The following SSBP2 variants were observed in gnomAD, a reference collection of about 807,000 sequenced individuals.
SSBP2 encodes the protein single-stranded DNA-binding protein 2.
SSBP2 carries 17 observed loss-of-function variants against 61.8 expected under a neutral mutation model. The ratio of observed to expected loss-of-function variants is 0.28; its 90% confidence interval spans 0.19 to 0.41. The LOEUF is 0.41. Among genes scored for constraint, SSBP2 ranks in the 10% least tolerant of loss-of-function variants. SSBP2 has a pLI of 1.00. For missense variants in SSBP2, 310 were observed against 458.7 expected, an observed-to-expected ratio of 0.68 and a Z score of 2.96; for synonymous variants, 139 against 141.3, an observed-to-expected ratio of 0.98 and a Z score of 0.12.
intron 4 of SSBP2, among the ~76,000 whole-genome samples, chr5:81,583,318 CTCT>C (rs1395846776): frequency 6.6e-6 from 1 of 151,970 alleles, no homozygotes; most frequent in African/African-American, 2.4e-5. Context: ...ACATGTATGC[CTCT>C]TCTTCATTTT....
At chr5:81,509,257 A>T (rs1768413047) in intron 5 of SSBP2, among the ~76,000 whole-genome samples, 1 of 152,178 alleles carries the variant, frequency 6.6e-6, no homozygotes, top group African/African-American at 2.4e-5. Context: ...CCTTGTACTG[A>T]ACTAATAATC....
intron 4 of SSBP2, among the ~76,000 whole-genome samples, chr5:81,608,310 T>G (rs780120273): frequency 6.6e-6 from 1 of 152,150 alleles, no homozygotes; most frequent in Non-Finnish European, 1.5e-5. Context: ...TCCATTTTAT[T>G]TGTCACCATT....
At chr5:81,741,416 G>A (rs1236059902) in intron 1 of SSBP2, among the ~76,000 whole-genome samples, 1 of 152,128 alleles carries the variant, frequency 6.6e-6, no homozygotes, top group African/African-American at 2.4e-5. Flanking sequence ...AACGGTGATG[G>A]CTATACCATA....
chr5:81,504,506 A>G (rs561068347), intron 5 of SSBP2, among the ~76,000 whole-genome samples: 2 of 152,242 alleles, frequency 1.3e-5, no homozygotes, highest in Non-Finnish European at 2.9e-5. Flanking sequence ...AGGCCTTTGC[A>G]CTTGTTTGTC....
At chr5:81,714,995 T>C (rs927517409) in intron 1 of SSBP2, among the ~76,000 whole-genome samples, 7 of 151,742 alleles carry the variant, frequency 4.6e-5, no homozygotes, top group African/African-American at 1.7e-4. Context: ...GGTTGGAAGA[T>C]AAAACTGAGG....
At chr5:81,719,400 G>A (rs1581414763) in intron 1 of SSBP2, among the ~76,000 whole-genome samples, 1 of 152,324 alleles carries the variant, frequency 6.6e-6, no homozygotes, top group East Asian at 1.9e-4. Flanking sequence ...CAAAAGAGAT[G>A]TCCTGTATGG....
intron 4 of SSBP2, among the ~76,000 whole-genome samples, chr5:81,574,264 T>TAAA (rs1774044714): frequency 1.3e-5 from 2 of 151,816 alleles, no homozygotes; most frequent in Non-Finnish European, 2.9e-5. Flanking sequence ...ATTTTAGGAC[T>TAAA]AAAAAACACA....
rs1554059158 is a variant in SSBP2, at chr5:81,415,922, A to AAAAAGAAAAG, written c.*4581_*4582insCTTTTCTTTT. 12 of 73,752 alleles carry AAAAAGAAAAG rather than the reference A, an allele frequency of 1.6e-4. 2 individuals carry two copies. The highest frequency in any genetic ancestry group is 1.3e-3 in the African/African-American group (9 of 6,788). 4.6% of individuals were successfully genotyped at this position (73,752 alleles called of 1,614,324 possible). A position where few individuals can be genotyped will look rare whatever the true frequency, so the allele number is the denominator to read the frequency against. ...GCAAGATTCTGACTCAAAAAAAAAA[A>AAAAAGAAAAG]AAAAAAAGAGGAAAACCTGATCAAG... is the stretch of plus-strand genomic sequence containing the variant. On this transcript the variant is annotated 3_prime_UTR_variant, in exon 17 of 17. Transcript: ENST00000320672.
At chr5:81,588,622 G>A (rs1775257753) in intron 4 of SSBP2, among the ~76,000 whole-genome samples, 1 of 151,960 alleles carries the variant, frequency 6.6e-6, no homozygotes, top group African/African-American at 2.4e-5. Context: ...TGATAAAAGA[G>A]CTAGATGAAT....
rs149972884 is a variant in SSBP2, at chr5:81,489,942, C to G, written c.373-633G>C. On this transcript the variant is annotated intron_variant, in intron 5 of 16. Coordinates refer to ENST00000320672, the MANE Select transcript of SSBP2 (RefSeq NM_012446.5). Reference sequence around the variant, plus strand: ...CTGAGGCCAAAGGACTGCTTGAGCTCAACAGTTAGAGGCTGTGGTGCATCA... The same window carrying G: ...CTGAGGCCAAAGGACTGCTTGAGCTGAACAGTTAGAGGCTGTGGTGCATCA... Among the ~76,000 whole-genome samples the G allele has an allele frequency of 3.7e-4, 56 of 151,374 alleles. No homozygotes were observed. In the East Asian group the frequency reaches 9.9e-3, roughly 27 times the overall value.
intron 1 of SSBP2, among the ~76,000 whole-genome samples, chr5:81,652,211 T>C (rs1286825162): frequency 2.0e-5 from 3 of 152,174 alleles, no homozygotes; most frequent in Non-Finnish European, 4.4e-5. Context: ...GGTACATCTG[T>C]GGCTGTGTCC....
chr5:81,707,041 A>G (rs1754445953), intron 1 of SSBP2, among the ~76,000 whole-genome samples: 1 of 152,224 alleles, frequency 6.6e-6, no homozygotes, highest in Non-Finnish European at 1.5e-5. Flanking sequence ...TAATCATTAG[A>G]TAACTCTATG....
intron 1 of SSBP2, among the ~76,000 whole-genome samples, chr5:81,656,481 T>G (rs80329999): frequency 6.6e-6 from 1 of 152,110 alleles, no homozygotes; most frequent in Non-Finnish European, 1.5e-5. Flanking sequence ...GTTTAATATA[T>G]AAAGAGGTTT....
chr5:81,664,120 T>C (rs1750919094), intron 1 of SSBP2, among the ~76,000 whole-genome samples: 1 of 123,866 alleles, frequency 8.1e-6, no homozygotes, highest in Non-Finnish European at 1.7e-5. Context: ...TTTTTTGTTT[T>C]TTGTTTTTGT....
rs544618076 is a variant in SSBP2 at position 81,573,745 on chromosome 5, A to G, written c.282+41728T>C. ...AATAAAAAAATCCAGGGATATAAGA[A>G]AATAATAATACTATACATCTGGAAA... On this transcript the variant is annotated intron_variant, in intron 4 of 16. Coordinates refer to ENST00000320672, the MANE Select transcript of SSBP2 (RefSeq NM_012446.5). 1.0e-3 allele frequency among the ~76,000 whole-genome samples: 154 copies of G among 152,306 alleles called. 1 individual carries two copies. The highest frequency in any genetic ancestry group is 3.7e-3 in the African/African-American group (153 of 41,566).
At chr5:81,612,390 ATC>A (rs1247974967) in intron 4 of SSBP2, among the ~76,000 whole-genome samples, 1 of 152,112 alleles carries the variant, frequency 6.6e-6, no homozygotes, top group African/African-American at 2.4e-5. Context: ...GTGAAATTTA[ATC>A]TGTTTTAAAG....
chr5:81,704,268 C>T (rs995289051), intron 1 of SSBP2, among the ~76,000 whole-genome samples: 7 of 152,150 alleles, frequency 4.6e-5, no homozygotes, highest in Admixed American at 3.9e-4. Context: ...AATATAAAAA[C>T]TCTAATCTCA....
intron 1 of SSBP2, among the ~76,000 whole-genome samples, chr5:81,716,571 G>C (rs376397332): frequency 2.2e-4 from 33 of 151,890 alleles, no homozygotes; most frequent in African/African-American, 8.0e-4. Context: ...TTAAACTCAG[G>C]GTTCATGCTG....
intron 8 of SSBP2, among the ~76,000 whole-genome samples, chr5:81,470,514 ATT>A (rs1433888022): frequency 6.6e-6 from 1 of 151,710 alleles, no homozygotes; most frequent in East Asian, 1.9e-4. Context: ...TGTTAACTAT[ATT>A]CTATGTGTGC....
Sources: gnomAD v4.1 joint callset for allele counts (sites outside exome capture counted in the v4.1 genomes callset) on GRCh38, gnomAD v4.1.1 for gene constraint, MANE v1.5 for transcripts, NCBI Gene and HGNC (gene_info 2026-07-23, HGNC 2026-07-21) for gene names.